FNDC3A: variants seen among roughly 807,000 people sequenced by gnomAD.
The protein encoded by FNDC3A is fibronectin type-III domain-containing protein 3A.
Under a neutral mutation model 148.9 loss-of-function variants are expected in FNDC3A, and 32 were observed. That is an observed-to-expected ratio of 0.21 (90% CI 0.16 to 0.29). FNDC3A has a LOEUF of 0.29. Among genes scored for constraint, FNDC3A ranks in the 10% least tolerant of loss-of-function variants. The pLI is 1.00. For missense variants in FNDC3A, 1,191 were observed against 1,452.8 expected (o/e 0.82, Z 2.93); for synonymous variants, 472 against 473.6 (o/e 1.00, Z 0.04).
chr13:49,106,586 C>T (rs1880187794), intron 3 of FNDC3A, among the ~76,000 whole-genome samples: 2 of 152,214 alleles, frequency 1.3e-5, no homozygotes, highest in South Asian at 4.1e-4. Flanking sequence ...GCCGGCATTA[C>T]AGGCGCGAAG....
chr13:49,035,353 A>G (rs564554093), intron 2 of FNDC3A, among the ~76,000 whole-genome samples: 3 of 152,166 alleles, frequency 2.0e-5, no homozygotes, highest in East Asian at 3.9e-4. Context: ...GACATTGTCT[A>G]TAAATGTGTA....
chr13:49,186,606 G>A (rs557781324), intron 15 of FNDC3A, among the ~76,000 whole-genome samples: 6 of 152,344 alleles, frequency 3.9e-5, no homozygotes, highest in South Asian at 4.1e-4. Flanking sequence ...GGTGGCTTAC[G>A]CCTGTAATCC....
chr13:49,014,202 A>C (rs1334906646), intron 2 of FNDC3A, among the ~76,000 whole-genome samples: 4 of 104,034 alleles, frequency 3.8e-5, no homozygotes, highest in Non-Finnish European at 7.9e-5. Flanking sequence ...GAACTAGTTT[A>C]CAGTCCCACC....
rs914535493 is a variant in FNDC3A, at chr13:49,208,665, C to T, written c.*1270C>T. ...TCAAGTATCACATTGTACATCTTGC[C>T]TAGATGTCGATGACTGCAAGTAATA... On this transcript the variant is annotated 3_prime_UTR_variant, in exon 26 of 26. Coordinates refer to ENST00000492622, the MANE Select transcript of FNDC3A (RefSeq NM_001079673.2). The T allele has an allele frequency of 6.6e-6, 1 of 152,568 alleles. No homozygotes were observed. Among genetic ancestry groups the T allele is most frequent in the African/African-American group, 2.4e-5 (1 of 41,418 alleles). The allele number at this position is 152,568 out of a possible 1,614,324, so 9.5% of individuals were successfully genotyped here.
chr13:49,088,633 T>A (rs967740684), intron 3 of FNDC3A, among the ~76,000 whole-genome samples: 1 of 152,198 alleles, frequency 6.6e-6, no homozygotes, highest in Non-Finnish European at 1.5e-5. Context: ...ATTTCCTTCT[T>A]CTTGGACACT....
intron 2 of FNDC3A, among the ~76,000 whole-genome samples, chr13:49,039,800 C>T (rs540671032): frequency 4.3e-4 from 66 of 152,274 alleles, no homozygotes; most frequent in African/African-American, 1.4e-3. Context: ...CTGCAACCTT[C>T]GCCTCCCGGA....
chr13:49,177,005 C>T (rs1004437623), intron 13 of FNDC3A, among the ~76,000 whole-genome samples: 6 of 152,160 alleles, frequency 3.9e-5, no homozygotes, highest in Admixed American at 3.9e-4. Context: ...GCTATGTTGC[C>T]TAGGCTGGTC....
At chr13:49,003,724 AT>A (rs1396215449) in intron 1 of FNDC3A, among the ~76,000 whole-genome samples, 1 of 152,148 alleles carries the variant, frequency 6.6e-6, no homozygotes, top group East Asian at 1.9e-4. Flanking sequence ...TTAAAACAAC[AT>A]TGTTTAATTT....
At chr13:49,085,095 T>G (rs1184225059) in intron 3 of FNDC3A, among the ~76,000 whole-genome samples, 1 of 151,616 alleles carries the variant, frequency 6.6e-6, no homozygotes, top group Non-Finnish European at 1.5e-5. Flanking sequence ...TTAGTAACCA[T>G]TTTCTCCCTT....
At chr13:49,065,587 T>C (rs1877210167) in intron 2 of FNDC3A, among the ~76,000 whole-genome samples, 1 of 152,238 alleles carries the variant, frequency 6.6e-6, no homozygotes, top group Non-Finnish European at 1.5e-5. Context: ...AAATTTTTGC[T>C]GAATATATAT....
chr13:49,149,316 T>C (rs1314033163), intron 8 of FNDC3A, among the ~76,000 whole-genome samples: 1 of 152,168 alleles, frequency 6.6e-6, no homozygotes, highest in East Asian at 1.9e-4. Context: ...TTCCCCTTTC[T>C]GTATGATGTT....
intron 7 of FNDC3A, among the ~76,000 whole-genome samples, chr13:49,140,931 G>T (rs1882653027): frequency 6.6e-6 from 1 of 152,176 alleles, no homozygotes; most frequent in African/African-American, 2.4e-5. Flanking sequence ...GTAGTGGTTG[G>T]GCATTGAGGA....
intron 2 of FNDC3A, among the ~76,000 whole-genome samples, chr13:49,024,527 C>T (rs2137649364): frequency 6.6e-6 from 1 of 151,984 alleles, no homozygotes; most frequent in South Asian, 2.1e-4. Context: ...AAAGATAATA[C>T]ACCATGATCA....
intron 2 of FNDC3A, among the ~76,000 whole-genome samples, chr13:49,028,943 A>G (rs928980538): frequency 6.6e-6 from 1 of 152,230 alleles, no homozygotes; most frequent in Non-Finnish European, 1.5e-5. Flanking sequence ...TATAGGGTAT[A>G]TACTAGGTCA....
intron 1 of FNDC3A, among the ~76,000 whole-genome samples, chr13:48,993,476 TA>T (rs1951958945): frequency 6.6e-6 from 1 of 152,212 alleles, no homozygotes; most frequent in African/African-American, 2.4e-5. Context: ...ATACTTATAG[TA>T]GTTTCATTTT....
chr13:49,129,188 A>G (rs767903315), intron 4 of FNDC3A, among the ~76,000 whole-genome samples: 3 of 152,260 alleles, frequency 2.0e-5, no homozygotes, highest in Non-Finnish European at 4.4e-5. Context: ...TTAGAGCTAG[A>G]ATTGGAAGGA....
intron 3 of FNDC3A, among the ~76,000 whole-genome samples, chr13:49,098,671 C>T (rs1028606205): frequency 6.6e-6 from 1 of 152,060 alleles, no homozygotes; most frequent in Non-Finnish European, 1.5e-5. Flanking sequence ...ATAAGTCATT[C>T]TTCAAATGTA....
chr13:49,124,896 ATAAAGT>A (rs1475680354), intron 4 of FNDC3A, among the ~76,000 whole-genome samples: 2 of 152,214 alleles, frequency 1.3e-5, no homozygotes, highest in Non-Finnish European at 1.5e-5. Context: ...TATTTCAGTG[ATAAAGT>A]TAATAACTTA....
At position 49,075,382 on chromosome 13, in the gene FNDC3A, G is replaced by A. The variant is rs749352036; in HGVS notation, c.175+18G>A. 4.8e-6 allele frequency: 7 copies of A among 1,473,602 alleles called. No individual in the cohort carries two copies. In the African/African-American group the frequency reaches 9.7e-5, roughly 21 times the overall value. The allele number at this position is 1,473,602 out of a possible 1,614,324, so 91.3% of individuals were successfully genotyped here. A position where few individuals can be genotyped will look rare whatever the true frequency, so the allele number is the denominator to read the frequency against. On this transcript the variant is annotated intron_variant, in intron 3 of 25. Transcript: ENST00000492622. ...CATTACAGGTAAGAATGGTAATTGA[G>A]AATAATCATTTGAGACCAAATAAAC...
Sources: gnomAD v4.1 joint callset for allele counts (sites outside exome capture counted in the v4.1 genomes callset) on GRCh38, gnomAD v4.1.1 for gene constraint, MANE v1.5 for transcripts, NCBI Gene and HGNC (gene_info 2026-07-23, HGNC 2026-07-21) for gene names.